ARHGAP20: variants seen among roughly 807,000 people sequenced by gnomAD.
ARHGAP20 encodes the protein Rho GTPase activating protein 20.
Under a neutral mutation model 73.7 loss-of-function variants are expected in ARHGAP20, and 34 were observed. The ratio of observed to expected loss-of-function variants is 0.46; its 90% CI spans 0.35 to 0.61. The LOEUF (loss-of-function observed/expected upper bound fraction) is 0.61. ARHGAP20 is among the 20% of genes least tolerant of loss of function. ARHGAP20 has a pLI of 0.00. For missense variants in ARHGAP20, 1,314 were observed against 1,420.9 expected, an observed-to-expected ratio of 0.92 and a Z score of 1.21; for synonymous variants, 523 against 518.2, an observed-to-expected ratio of 1.01 and a Z score of -0.13.
chr11:110,680,251 G>T (rs921544320), intron 2 of ARHGAP20, among the ~76,000 whole-genome samples: 2 of 152,094 alleles, frequency 1.3e-5, no homozygotes, highest in African/African-American at 4.8e-5. Flanking sequence ...CTCACATCTG[G>T]TAAGAAGAAG....
intron 1 of ARHGAP20, among the ~76,000 whole-genome samples, chr11:110,710,686 T>G (rs1180973742): frequency 6.6e-6 from 1 of 152,160 alleles, no homozygotes; most frequent in Non-Finnish European, 1.5e-5. Context: ...GAGCTGGCAC[T>G]ACAGCCCATA....
At chr11:110,596,841 T>C (rs1442964688) in intron 9 of ARHGAP20, among the ~76,000 whole-genome samples, 9 of 152,086 alleles carry the variant, frequency 5.9e-5, no homozygotes, top group African/African-American at 1.4e-4. Context: ...CACATGCACA[T>C]GTATGTTTAT....
intron 10 of ARHGAP20, among the ~76,000 whole-genome samples, chr11:110,591,011 G>A (rs1947814621): frequency 6.6e-6 from 1 of 152,116 alleles, no homozygotes; most frequent in Admixed American, 6.5e-5. Flanking sequence ...GGGTGGTGGT[G>A]AGCAGGTTGG....
At chr11:110,647,641 G>A (rs1949225723) in intron 2 of ARHGAP20, among the ~76,000 whole-genome samples, 1 of 151,530 alleles carries the variant, frequency 6.6e-6, no homozygotes, top group African/African-American at 2.4e-5. Context: ...CTCAATTTTT[G>A]GAAAAAAATT....
intron 1 of ARHGAP20, among the ~76,000 whole-genome samples, chr11:110,698,017 A>G (rs1160170185): frequency 1.3e-5 from 2 of 151,726 alleles, no homozygotes; most frequent in Non-Finnish European, 2.9e-5. Flanking sequence ...CTTGAATAGT[A>G]TGGGCATTTT....
chr11:110,615,477 G>A, intron 5 of ARHGAP20, 76 bp downstream of exon 5: 2 of 1,358,998 alleles, frequency 1.5e-6, no homozygotes, highest in Non-Finnish European at 2.0e-6. Flanking sequence ...AATAATTTGG[G>A]GCACATCTCT....
At chr11:110,594,844 AG>A (rs1220839496) in intron 9 of ARHGAP20, among the ~76,000 whole-genome samples, 3 of 149,992 alleles carry the variant, frequency 2.0e-5, no homozygotes, top group African/African-American at 7.5e-5. Flanking sequence ...AAAAAAAAAA[AG>A]AGCATTTTAG....
intron 11 of ARHGAP20, among the ~76,000 whole-genome samples, chr11:110,586,914 A>T (rs776971411): frequency 2.0e-5 from 3 of 151,366 alleles, no homozygotes; most frequent in Non-Finnish European, 4.4e-5. Flanking sequence ...AGGCTCTCAT[A>T]TATTTGGAGA....
Position 110,579,060 on chromosome 11 carries a change from T to C in ARHGAP20, c.*310A>G. Reference sequence around the variant, plus strand: ...TCAGGACATCAATCTCACAGACTGTTCCCATAAGTGCTTCCTCTGCAGAAG... The same window carrying C: ...TCAGGACATCAATCTCACAGACTGTCCCCATAAGTGCTTCCTCTGCAGAAG... On this transcript the variant is annotated 3_prime_UTR_variant, in exon 15 of 15. Coordinates refer to ENST00000683387, the MANE Select transcript of ARHGAP20 (RefSeq NM_001384657.1). 9.8e-7 allele frequency: 1 copy of C among 1,022,866 alleles called. No individual in the cohort carries two copies. The highest frequency in any genetic ancestry group is 1.2e-6 in the Non-Finnish European group (1 of 851,470). The allele number at this position is 1,022,866 out of a possible 1,614,324, so 63.4% of individuals were successfully genotyped here. A position where few individuals can be genotyped will look rare whatever the true frequency, so the allele number is the denominator to read the frequency against.
In ARHGAP20 at chr11:110,580,083, T is replaced by A; in HGVS notation, c.2863A>T (p.Ser955Cys). 1 of 1,614,182 alleles carries A rather than the reference T, an allele frequency of 6.2e-7. No homozygotes were observed. Among genetic ancestry groups the A allele is most frequent in the Non-Finnish European group, 8.5e-7 (1 of 1,180,024 alleles). Residue 955 changes from serine to cysteine, a missense_variant, in exon 15 of 15, where the codon AGT becomes TGT. Coordinates refer to ENST00000683387, the MANE Select transcript of ARHGAP20 (RefSeq NM_001384657.1). The part of the protein sequence containing the change: ...PSGSSVSSQD[S>C]AFSQISEHSV... ...TGTTCAGAAATCTGAGAAAAAGCAC[T>A]GTCTTGGGAGCTTACTGATGAGCCG... is the stretch of plus-strand genomic sequence containing the variant.
At chr11:110,679,650 G>A (rs1338023300) in intron 2 of ARHGAP20, among the ~76,000 whole-genome samples, 2 of 152,132 alleles carry the variant, frequency 1.3e-5, no homozygotes, top group African/African-American at 4.8e-5. Context: ...AAAAGTATGA[G>A]AAGAATTTAG....
At chr11:110,618,072 C>T (rs907208961) in intron 4 of ARHGAP20, among the ~76,000 whole-genome samples, 1 of 152,016 alleles carries the variant, frequency 6.6e-6, no homozygotes, top group Non-Finnish European at 1.5e-5. Flanking sequence ...GTTTTTATAT[C>T]GGCAAAGATA....
rs55687136 is a variant in ARHGAP20 at position 110,665,976 on chromosome 11, TACACAC to T, written c.188+24565_188+24570del. 1.5e-4 allele frequency among the ~76,000 whole-genome samples: 23 copies of T among 150,338 alleles called. No individual in the cohort carries two copies. In the South Asian group the frequency reaches 1.9e-3, roughly 12 times the overall value. On this transcript the variant is annotated intron_variant, in intron 2 of 14. Coordinates refer to ENST00000683387, the MANE Select transcript of ARHGAP20 (RefSeq NM_001384657.1). ...ATGGTCACTGGATACAAGATACATATACACACACACACACACACGTATATATGCGTG... is the reference window on the plus strand; with the variant it reads ...ATGGTCACTGGATACAAGATACATATACACACACACACGTATATATGCGTG...
intron 9 of ARHGAP20, among the ~76,000 whole-genome samples, chr11:110,600,422 G>A (rs1180497863): frequency 6.6e-6 from 1 of 152,222 alleles, no homozygotes; most frequent in Non-Finnish European, 1.5e-5. Context: ...CACCCATGCA[G>A]GCACGTGCAG....
chr11:110,618,758 C>T (rs1176450436), intron 4 of ARHGAP20, among the ~76,000 whole-genome samples: 1 of 83,362 alleles, frequency 1.2e-5, no homozygotes, highest in Non-Finnish European at 2.3e-5. Context: ...GCAGTGATAG[C>T]ATATATGTAG....
chr11:110,659,204 C>T (rs1949542236), intron 2 of ARHGAP20, among the ~76,000 whole-genome samples: 1 of 141,838 alleles, frequency 7.1e-6, no homozygotes, highest in Non-Finnish European at 1.5e-5. Context: ...TATTTCTCCA[C>T]ATCCTCTCCA....
intron 2 of ARHGAP20, among the ~76,000 whole-genome samples, chr11:110,684,177 T>C (rs1367592452): frequency 6.6e-6 from 1 of 152,152 alleles, no homozygotes; most frequent in Non-Finnish European, 1.5e-5. Context: ...AGAGGAGTTT[T>C]TGAAGGAAGT....
intron 2 of ARHGAP20, among the ~76,000 whole-genome samples, chr11:110,652,044 T>G (rs569140432): frequency 6.6e-6 from 1 of 152,242 alleles, no homozygotes; most frequent in East Asian, 1.9e-4. Context: ...TCCACCACAA[T>G]CATGTTGGCT....
chr11:110,609,048 G>A lies in ARHGAP20; in HGVS notation c.711C>T (p.Gly237=). 6.2e-7 allele frequency: 1 copy of A among 1,612,746 alleles called. No individual in the cohort carries two copies. Among genetic ancestry groups the A allele is most frequent in the South Asian group, 1.1e-5 (1 of 90,980 alleles). ...CCCACAACTGGTAATCTCTCTCAGA[G>A]CCCTTAGAGATAAAAGAGTTAAATG... is the stretch of plus-strand genomic sequence containing the variant. The part of the protein sequence containing the change: ...NMSLPMLGIT[G]SERDYQLWVN... Residue 237 remains glycine, a splice_region_variant and synonymous_variant, in exon 8 of 15, where the codon GGC becomes GGT. Transcript: ENST00000683387.
Sources: gnomAD v4.1 joint callset for allele counts (sites outside exome capture counted in the v4.1 genomes callset) on GRCh38, gnomAD v4.1.1 for gene constraint, MANE v1.5 for transcripts, NCBI Gene and HGNC (gene_info 2026-07-23, HGNC 2026-07-21) for gene names.